The following UCKL1 variants were observed in gnomAD, a reference collection of about 807,000 sequenced individuals.
UCKL1 encodes the protein uridine-cytidine kinase-like 1.
Under a neutral mutation model 59.2 loss-of-function variants are expected in UCKL1, and 65 were observed. That is an observed-to-expected ratio of 1.10 (90% confidence interval 0.90 to 1.35). The LOEUF is 1.35. UCKL1 is among the 40% of genes most tolerant of loss of function. UCKL1 has a pLI of 0.00. For missense variants in UCKL1, 703 were observed against 784.3 expected, an observed-to-expected ratio of 0.90 and a Z score of 1.24; for synonymous variants, 410 against 323.1, an observed-to-expected ratio of 1.27 and a Z score of -2.88.
chr20:63,946,651 G>A lies in UCKL1; in HGVS notation c.114-8C>T, dbSNP rs760009279. 6.2e-7 allele frequency: 1 copy of A among 1,605,488 alleles called. No homozygotes were observed. The highest frequency in any genetic ancestry group is 8.5e-7 in the Non-Finnish European group (1 of 1,179,444). Reference sequence around the variant, plus strand: ...AGGGACTCTGCATTGCTGCTGCAGAGAGGGATGTACTCGGATGTGGCCCAG... The same window carrying A: ...AGGGACTCTGCATTGCTGCTGCAGAAAGGGATGTACTCGGATGTGGCCCAG... On this transcript the variant is annotated splice_region_variant and splice_polypyrimidine_tract_variant and intron_variant, in intron 1 of 14. Coordinates refer to ENST00000354216, the MANE Select transcript of UCKL1 (RefSeq NM_017859.4).
Position 63,940,725 on chromosome 20 carries a change from A to T in UCKL1, c.1180-9T>A. ...ATGGACACACCGGTGATCTGCGGGGAGGGGAGGCTAAGCGCCCACATCCCG... is the reference window on the plus strand; with the variant it reads ...ATGGACACACCGGTGATCTGCGGGGTGGGGAGGCTAAGCGCCCACATCCCG... On this transcript the variant is annotated splice_polypyrimidine_tract_variant and intron_variant, in intron 11 of 14. Coordinates refer to ENST00000354216, the MANE Select transcript of UCKL1 (RefSeq NM_017859.4). 1 of 1,607,334 alleles carries T rather than the reference A, an allele frequency of 6.2e-7. No individual in the cohort carries two copies. Among genetic ancestry groups the T allele is most frequent in the Non-Finnish European group, 8.5e-7 (1 of 1,178,228 alleles).
At position 63,939,956 on chromosome 20, in the gene UCKL1, C is replaced by T. The variant is rs368185853; in HGVS notation, c.*20G>A. ...GGAGGCAGGAGGAGGGTGGTGGGGA[C>T]GGGATGGCTCACTGGGCAGCTAACC... On this transcript the variant is annotated 3_prime_UTR_variant, in exon 15 of 15. Transcript: ENST00000354216. 1.2e-5 allele frequency: 19 copies of T among 1,610,228 alleles called. No individual in the cohort carries two copies. Among genetic ancestry groups the T allele is most frequent in the African/African-American group, 9.4e-5 (7 of 74,814 alleles).
Position 63,950,616 on chromosome 20 carries a change from G to A in UCKL1, c.114-3973C>T, listed in dbSNP as rs1323654308. 4 of 997,956 alleles carry A rather than the reference G, an allele frequency of 4.0e-6. No individual in the cohort carries two copies. In the East Asian group the frequency reaches 1.3e-4, roughly 31 times the overall value. 61.8% of individuals were successfully genotyped at this position (997,956 alleles called of 1,614,324 possible). A position where few individuals can be genotyped will look rare whatever the true frequency, so the allele number is the denominator to read the frequency against. Reference sequence around the variant, plus strand: ...CAAGCAAAATGGCACCTTCGACCCTGGGCTCTGCCCGGTGCCCGAGAGCAC... The same window carrying A: ...CAAGCAAAATGGCACCTTCGACCCTAGGCTCTGCCCGGTGCCCGAGAGCAC... On this transcript the variant is annotated intron_variant, in intron 1 of 14. Transcript: ENST00000354216.
chr20:63,947,653 C>T (rs536484169), intron 1 of UCKL1, among the ~76,000 whole-genome samples: 1 of 152,360 alleles, frequency 6.6e-6, no homozygotes, highest in African/African-American at 2.4e-5. Context: ...ATTGGAACCC[C>T]ATTCATTCTT....
intron 1 of UCKL1, among the ~76,000 whole-genome samples, chr20:63,953,168 T>C (rs1463287157): frequency 6.6e-6 from 1 of 151,662 alleles, no homozygotes; most frequent in Non-Finnish European, 1.5e-5. Flanking sequence ...TCACCTGAGG[T>C]TGGGCGTTTG....
At chr20:63,946,298 G>A (rs778374088) in intron 2 of UCKL1, 31 bp from the exon 3 acceptor site, 51 of 1,561,332 alleles carry the variant, frequency 3.3e-5, no homozygotes, top group African/African-American at 4.1e-5. Flanking sequence ...CCTCTGTGAG[G>A]AACAGGCAGG....
intron 14 of UCKL1, 38 bp downstream of exon 14, chr20:63,940,112 T>A (rs769192305): frequency 6.2e-7 from 1 of 1,611,002 alleles, no homozygotes; most frequent in Non-Finnish European, 8.5e-7. Flanking sequence ...CCACCCACCC[T>A]GCCCTCATGT....
chr20:63,946,111 G>C, intron 3 of UCKL1, 50 bp downstream of exon 3: 1 of 1,608,342 alleles, frequency 6.2e-7, no homozygotes. Context: ...GGGGGTCCAG[G>C]GTCAGGGAGA....
chr20:63,951,355 G>A (rs1323595776), intron 1 of UCKL1, among the ~76,000 whole-genome samples: 1 of 152,242 alleles, frequency 6.6e-6, no homozygotes, highest in African/African-American at 2.4e-5. Flanking sequence ...TGCGCCGTGT[G>A]CCTGCACCCC....
Position 63,940,962 on chromosome 20 carries a change from G to A in UCKL1, c.1104C>T (p.Phe368=). ...MRLLIEHALS[F]LPFQDCVVQT... ...ACGGGCTACGAACCTGAAAGGGCAG[G>A]AAGGAGAGCGCGTGCTCGATGAGCA... The change falls in exon 10 of 15, where the codon TTC becomes TTT. Residue 368 remains phenylalanine, a synonymous_variant. Transcript: ENST00000354216. The A allele has an allele frequency of 6.6e-7, 1 of 1,523,870 alleles. No homozygotes were observed. Among genetic ancestry groups the A allele is most frequent in the Non-Finnish European group, 8.8e-7 (1 of 1,134,108 alleles). 94.4% of individuals were successfully genotyped at this position (1,523,870 alleles called of 1,614,324 possible). A position where few individuals can be genotyped will look rare whatever the true frequency, so the allele number is the denominator to read the frequency against.
Position 63,940,009 on chromosome 20 carries a change from G to A in UCKL1, c.1614C>T (p.Gly538=), listed in dbSNP as rs764467104. ...RYFGTDAVPD[G]SDEEEVAYTG is the part of the protein sequence containing the mutation. ...TGTAGGCCACTTCCTCCTCGTCACT[G>A]CCATCGGGGACCGCGTCTGTCCCAA... Residue 538 remains glycine (G), a synonymous_variant, in exon 15 of 15, where the codon GGC becomes GGT. Coordinates refer to ENST00000354216, the MANE Select transcript of UCKL1 (RefSeq NM_017859.4). 1 of 1,587,682 alleles carries A rather than the reference G, an allele frequency of 6.3e-7. No homozygotes were observed. The highest frequency in any genetic ancestry group is 8.6e-7 in the Non-Finnish European group (1 of 1,163,806).
At chr20:63,948,017 G>A (rs988861751) in intron 1 of UCKL1, among the ~76,000 whole-genome samples, 2 of 152,238 alleles carry the variant, frequency 1.3e-5, no homozygotes, top group Non-Finnish European at 2.9e-5. Flanking sequence ...CATCAACGTG[G>A]CGCCTGCCCA....
At chr20:63,942,440 C>T in intron 8 of UCKL1, 1 of 1,171,274 alleles carries the variant, frequency 8.5e-7, no homozygotes, top group South Asian at 1.6e-5. Flanking sequence ...AGGCGGGTCA[C>T]ACAGCAGCAC....
At position 63,944,445 on chromosome 20, in the gene UCKL1, C is replaced by G. The variant is rs142890300; in HGVS notation, c.858G>C (p.Thr286=). Residue 286 remains threonine, a synonymous_variant, in exon 7 of 15, where the codon ACG becomes ACC. Coordinates refer to ENST00000354216, the MANE Select transcript of UCKL1 (RefSeq NM_017859.4). ...DIVVPRGSGN[T]VAIDLIVQHV... is the part of the protein sequence containing the mutation. Reference sequence around the variant, plus strand: ...GCTGCACAATCAGGTCGATGGCCACCGTGTTGCCGCTCCCTGGGGCGGGAT... The same window carrying G: ...GCTGCACAATCAGGTCGATGGCCACGGTGTTGCCGCTCCCTGGGGCGGGAT... 7.6e-7 allele frequency: 1 copy of G among 1,309,920 alleles called. No individual in the cohort carries two copies. The highest frequency in any genetic ancestry group is 1.5e-5 in the African/African-American group (1 of 66,554). 81.1% of individuals were successfully genotyped at this position (1,309,920 alleles called of 1,614,324 possible).
chr20:63,941,959 T>TG (rs2054625081), intron 8 of UCKL1, among the ~76,000 whole-genome samples: 1 of 109,566 alleles, frequency 9.1e-6, no homozygotes, highest in African/African-American at 3.6e-5. Flanking sequence ...GGCACGGAAT[T>TG]GGGTGTGGCA....
Position 63,943,687 on chromosome 20 carries a change from G to A in UCKL1, c.907-18C>T. On this transcript the variant is annotated intron_variant, in intron 7 of 14. Transcript: ENST00000354216. ...AGTTCACGCTGTGGCAGCAACACAG[G>A]AAGACACAAGGGAACGGTGGCGCGT... The A allele has an allele frequency of 6.2e-7, 1 of 1,612,596 alleles. No homozygotes were observed. The highest frequency in any genetic ancestry group is 8.5e-7 in the Non-Finnish European group (1 of 1,179,878).
chr20:63,940,299 T>A lies in UCKL1; in HGVS notation c.1418A>T (p.Asp473Val). 1 of 1,612,676 alleles carries A rather than the reference T, an allele frequency of 6.2e-7. No individual in the cohort carries two copies. The highest frequency in any genetic ancestry group is 1.3e-5 in the African/African-American group (1 of 75,062). ...MMAVRVLLDH[D>V]VPEDKIFLLS... ...CAAAAAGATCTTGTCCTCAGGCACGTCGTGGTCCTACCGAGTGTATTGGGC... is the reference window on the plus strand; with the variant it reads ...CAAAAAGATCTTGTCCTCAGGCACGACGTGGTCCTACCGAGTGTATTGGGC... Residue 473 changes from aspartate (D) to valine (V), a missense_variant, in exon 14 of 15, where the codon GAC becomes GTC. Coordinates refer to ENST00000354216, the MANE Select transcript of UCKL1 (RefSeq NM_017859.4).
intron 1 of UCKL1, chr20:63,951,188 A>C: frequency 2.0e-6 from 2 of 1,023,224 alleles, no homozygotes; most frequent in Non-Finnish European, 2.3e-6. Flanking sequence ...AGGATCACCC[A>C]GCTGGGGGCT....
chr20:63,948,035 C>T (rs1049995554), intron 1 of UCKL1, among the ~76,000 whole-genome samples: 2 of 152,232 alleles, frequency 1.3e-5, no homozygotes, highest in Non-Finnish European at 2.9e-5. Context: ...CCAGTCTGTT[C>T]TGAGAGGCTC....
Sources: gnomAD v4.1 joint callset for allele counts (sites outside exome capture counted in the v4.1 genomes callset) on GRCh38, gnomAD v4.1.1 for gene constraint, MANE v1.5 for transcripts, NCBI Gene and HGNC (gene_info 2026-07-23, HGNC 2026-07-21) for gene names.